Variants in BPIFC observed in about 807,000 individuals in gnomAD.
The protein encoded by BPIFC is BPI fold containing family C, also known as BPI fold-containing family C protein.
A neutral mutation model predicts 57.6 loss-of-function variants in BPIFC; 60 were observed. The ratio of observed to expected loss-of-function variants is 1.04; its 90% confidence interval spans 0.85 to 1.29. The LOEUF (loss-of-function observed/expected upper bound fraction) is 1.29, where lower values mean the gene tolerates loss of function less well. BPIFC is among the 50% of genes most tolerant of loss of function. BPIFC has a pLI of 0.00. For missense variants in BPIFC, 581 were observed against 600.5 expected (o/e 0.97, Z 0.34); for synonymous variants, 243 against 224.5 (o/e 1.08, Z -0.74).
At chr22:32,438,951 C>G (rs1934485741) in intron 8 of BPIFC, among the ~76,000 whole-genome samples, 1 of 151,984 alleles carries the variant, frequency 6.6e-6, no homozygotes, top group African/African-American at 2.4e-5. Context: ...GCTGCTAATC[C>G]AAATAATTTT....
intron 13 of BPIFC, among the ~76,000 whole-genome samples, chr22:32,428,437 C>A (rs891063164): frequency 6.6e-6 from 1 of 151,968 alleles, no homozygotes; most frequent in Admixed American, 6.6e-5. Context: ...CCCGGCCTCT[C>A]ATGGGCTTTT....
chr22:32,423,399 G>A (rs1023008701), intron 13 of BPIFC, among the ~76,000 whole-genome samples: 6 of 152,116 alleles, frequency 3.9e-5, no homozygotes, highest in Non-Finnish European at 7.4e-5. Context: ...TCAGAGGAAG[G>A]GTGGAGTTGG....
intron 16 of BPIFC, among the ~76,000 whole-genome samples, chr22:32,414,987 G>A (rs535256783): frequency 7.2e-5 from 11 of 152,290 alleles, no homozygotes; most frequent in African/African-American, 2.4e-4. Context: ...GTAGGGCAGC[G>A]GTCCCCAGCC....
At chr22:32,432,128 G>A (rs779637608) in intron 12 of BPIFC, among the ~76,000 whole-genome samples, 14 of 150,878 alleles carry the variant, frequency 9.3e-5, no homozygotes, top group Non-Finnish European at 1.9e-4. Context: ...TTTTTTTTTG[G>A]AGAGATGAGG....
Position 32,424,600 on chromosome 22 carries a change from T to TCTTCTTCTTCTTCTC in BPIFC, c.1218-5197_1218-5196insGAGAAGAAGAAGAAG, listed in dbSNP as rs1223346653. 1.4e-3 allele frequency among the ~76,000 whole-genome samples: 112 copies of TCTTCTTCTTCTTCTC among 78,602 alleles called. 17 individuals are homozygous for TCTTCTTCTTCTTCTC. The Middle Eastern group carries it at 0.023, about 16-fold the overall frequency. 51.6% of individuals were successfully genotyped at this position (78,602 alleles called of 152,430 possible). ...TTCTTCTTCTTCTTCTTCTTCTTCT[T>TCTTCTTCTTCTTCTC]CTCCTCCTCCTCCTCCTCCTCCTCC... On this transcript the variant is annotated intron_variant, in intron 13 of 16. Transcript: ENST00000300399.
Position 32,453,518 on chromosome 22 carries a change from A to C in BPIFC, c.125-15T>G. 6.4e-7 allele frequency: 1 copy of C among 1,567,096 alleles called. No individual in the cohort carries two copies. Among genetic ancestry groups the C allele is most frequent in the Non-Finnish European group, 8.6e-7 (1 of 1,164,900 alleles). ...AGCTTGAACACCTGTGAAGGAAACA[A>C]GAAAGAATCTGTTGATAATGACAAA... On this transcript the variant is annotated splice_polypyrimidine_tract_variant and intron_variant, in intron 3 of 16. Coordinates refer to ENST00000300399, the MANE Select transcript of BPIFC (RefSeq NM_174932.3).
In BPIFC at chr22:32,417,877, AT is replaced by A. The variant is rs1029334726; in HGVS notation, c.1261-730del. Among the ~76,000 whole-genome samples, 670 of 150,600 alleles carry A rather than the reference AT, an allele frequency of 4.4e-3. 3 individuals are homozygous for A. Among genetic ancestry groups the A allele is most frequent in the African/African-American group, 0.015 (623 of 41,092 alleles). ...ATTTTTCTTTTTTTTTTATTTAAAA[AT>A]TTTTTTTTTGAGATGGAGGCTCACT... On this transcript the variant is annotated intron_variant, in intron 14 of 16. Transcript: ENST00000300399.
At position 32,417,118 on chromosome 22, in the gene BPIFC, T is replaced by G. The variant is rs754526871; in HGVS notation, c.1291A>C (p.Ile431Leu). The G allele has an allele frequency of 6.2e-7, 1 of 1,606,796 alleles. No homozygotes were observed. Among genetic ancestry groups the G allele is most frequent in the Non-Finnish European group, 8.5e-7 (1 of 1,173,856 alleles). Residue 431 changes from isoleucine to leucine, a missense_variant, in exon 15 of 17, where the codon ATT (isoleucine) becomes CTT (leucine). Transcript: ENST00000300399. The part of the protein sequence containing the change: ...VLRFENILSS[I>L]LHFGVLPLAN... ...AGTGGGAGGACTCCAAAGTGAAGAATGGACGATAGAATATTTTCAAACCTC... is the reference window on the plus strand; with the variant it reads ...AGTGGGAGGACTCCAAAGTGAAGAAGGGACGATAGAATATTTTCAAACCTC...
chr22:32,420,965 T>C (rs1933832179), intron 13 of BPIFC, among the ~76,000 whole-genome samples: 1 of 152,232 alleles, frequency 6.6e-6, no homozygotes, highest in South Asian at 2.1e-4. Context: ...ACTCTGAATA[T>C]GAGCCATTTT....
At chr22:32,442,525 C>T (rs1330930332) in intron 8 of BPIFC, 146 bp downstream of exon 8, 1 of 758,924 alleles carries the variant, frequency 1.3e-6, no homozygotes, top group Non-Finnish European at 2.2e-6. Context: ...GCACATCCTC[C>T]CAAGCACCTT....
intron 2 of BPIFC, among the ~76,000 whole-genome samples, chr22:32,458,699 C>T (rs1935097088): frequency 6.6e-6 from 1 of 152,206 alleles, no homozygotes; most frequent in Admixed American, 6.5e-5. Context: ...CTTATGGGTT[C>T]TCCAGCACCT....
intron 2 of BPIFC, 110 bp downstream of exon 2, chr22:32,461,464 G>T: frequency 2.0e-6 from 1 of 493,028 alleles, no homozygotes; most frequent in Non-Finnish European, 2.6e-6. Context: ...TGAGTGATCT[G>T]AAGGTTGGAG....
intron 3 of BPIFC, among the ~76,000 whole-genome samples, chr22:32,455,532 A>G (rs190501586): frequency 6.6e-6 from 1 of 152,240 alleles, no homozygotes; most frequent in African/African-American, 2.4e-5. Context: ...ACAGCAACCC[A>G]GTGACGAGGT....
intron 13 of BPIFC, among the ~76,000 whole-genome samples, chr22:32,427,069 C>T (rs1934089346): frequency 6.6e-6 from 1 of 152,126 alleles, no homozygotes; most frequent in African/African-American, 2.4e-5. Flanking sequence ...TGCTGGGCAA[C>T]AGACAACAAG....
Position 32,453,484 on chromosome 22 carries a change from C to A in BPIFC, c.144G>T (p.Lys48Asn), listed in dbSNP as rs1192764007. Residue 48 changes from lysine to asparagine, a missense_variant, in exon 4 of 17, where the codon AAG becomes AAT. Coordinates refer to ENST00000300399, the MANE Select transcript of BPIFC (RefSeq NM_174932.3). ...TTTCTTTTAGCATTTGCTCAATCAT[C>A]TTCATTCCAGCTTGAACACCTGTGA... Reference protein sequence around the residue: ...ALDYGVQAGMKMIEQMLKEKK... With the variant: ...ALDYGVQAGMNMIEQMLKEKK... 3.7e-6 allele frequency: 6 copies of A among 1,601,080 alleles called. No individual in the cohort carries two copies. The East Asian group carries it at 1.3e-4, about 36-fold the overall frequency.
chr22:32,431,105 A>G (rs1297131501), intron 13 of BPIFC, among the ~76,000 whole-genome samples: 2 of 149,940 alleles, frequency 1.3e-5, no homozygotes, highest in African/African-American at 4.9e-5. Flanking sequence ...TGTTCACACA[A>G]TGGTTAACGT....
chr22:32,417,189 CTTTTT>C (rs5844996), intron 14 of BPIFC, 41 bp from the exon 15 acceptor site: 900 of 976,024 alleles, frequency 9.2e-4, no homozygotes, highest in East Asian at 1.3e-3. Context: ...GCAGATCGGG[CTTTTT>C]TTTTTTTTTT....
At chr22:32,448,085 T>C (rs926875516) in intron 4 of BPIFC, among the ~76,000 whole-genome samples, 8 of 151,850 alleles carry the variant, frequency 5.3e-5, no homozygotes. Flanking sequence ...TTTTTTTTTT[T>C]TGAGACAGAG....
chr22:32,461,254 C>G (rs1195065065), intron 2 of BPIFC, among the ~76,000 whole-genome samples: 3 of 152,178 alleles, frequency 2.0e-5, no homozygotes, highest in Non-Finnish European at 2.9e-5. Flanking sequence ...CATGATATTT[C>G]AGCCCTAAAG....
Sources: gnomAD v4.1 joint callset for allele counts (sites outside exome capture counted in the v4.1 genomes callset) on GRCh38, gnomAD v4.1.1 for gene constraint, MANE v1.5 for transcripts, NCBI Gene and HGNC (gene_info 2026-07-23, HGNC 2026-07-21) for gene names.